Variants in NEBL observed in about 807,000 individuals in gnomAD.
NEBL encodes the protein nebulette.
Under a neutral mutation model 140.2 loss-of-function variants are expected in NEBL, and 122 were observed. The observed-to-expected ratio is 0.87, with a 90% CI of 0.75 to 1.01. The LOEUF is 1.01. Ranked by LOEUF, NEBL falls within the 50% of genes least tolerant of loss-of-function variation. The pLI is 0.00. For missense variants in NEBL, 1,365 were observed against 1,231.3 expected (o/e 1.11, Z -1.62); for synonymous variants, 436 against 398.9 (o/e 1.09, Z -1.11).
chr10:21,169,827 C>T (rs2132178639), intron 2 of NEBL, among the ~76,000 whole-genome samples: 1 of 152,214 alleles, frequency 6.6e-6, no homozygotes, highest in East Asian at 1.9e-4. Context: ...AAATAATGTA[C>T]TGGAATCATA....
In NEBL at chr10:21,173,767, T is replaced by G. The variant is rs1214368215; in HGVS notation, c.67A>C (p.Lys23Gln). Residue 23 changes from lysine (K) to glutamine (Q), a missense_variant and splice_region_variant, in exon 1 of 7, where the codon AAG (lysine) becomes CAG (glutamine). Physicochemically the swap from Lys to Gln is moderately conservative, Grantham distance 53. Coordinates refer to the NEBL transcript ENST00000417816. This position sits in a 1 kb window ranked among gnomAD's most constrained non-coding sequence, Gnocchi z 5.7. ...TGGCCCGGCGCCCCCTCGCTCACCT[T>G]ATCCAGGCAGTTGACTTTCTCGGTG... is the stretch of plus-strand genomic sequence containing the variant. 1 of 1,612,808 alleles carries G rather than the reference T, an allele frequency of 6.2e-7. No homozygotes were observed. Among genetic ancestry groups the G allele is most frequent in the Non-Finnish European group, 8.5e-7 (1 of 1,179,802 alleles).
At chr10:21,287,849 A>G (rs903629797) in intron 1 of NEBL, among the ~76,000 whole-genome samples, 1 of 152,218 alleles carries the variant, frequency 6.6e-6, no homozygotes, top group Non-Finnish European at 1.5e-5. Context: ...CTGTCAACCA[A>G]CTGCAATGTA....
At chr10:20,884,924 T>C (rs1846355931) in intron 4 of NEBL, among the ~76,000 whole-genome samples, 1 of 152,254 alleles carries the variant, frequency 6.6e-6, no homozygotes, top group South Asian at 2.1e-4. Flanking sequence ...GCTAATAAAA[T>C]GGCCTCCTAA....
intron 3 of NEBL, among the ~76,000 whole-genome samples, chr10:21,191,360 G>T (rs1841570836): frequency 6.6e-6 from 1 of 152,128 alleles, no homozygotes; most frequent in Admixed American, 6.6e-5. Flanking sequence ...TAAGTAACTT[G>T]CCCAAGATCA....
At chr10:21,171,134 G>A (rs1441925480) in intron 2 of NEBL, among the ~76,000 whole-genome samples, 2 of 152,064 alleles carry the variant, frequency 1.3e-5, no homozygotes, top group Admixed American at 6.5e-5. Flanking sequence ...TCCAGAGTTC[G>A]AGGCCAGCCT....
At chr10:21,168,441 G>T (rs1840888785) in intron 2 of NEBL, among the ~76,000 whole-genome samples, 1 of 152,076 alleles carries the variant, frequency 6.6e-6, no homozygotes, top group Non-Finnish European at 1.5e-5. Flanking sequence ...AGCAGAACTT[G>T]AATAACTGAT....
chr10:20,904,064 G>A (rs193203241), intron 4 of NEBL, among the ~76,000 whole-genome samples: 165 of 151,940 alleles, frequency 1.1e-3, no homozygotes, highest in African/African-American at 3.9e-3. Context: ...TAATAAAATA[G>A]AATAATTATA....
At chr10:20,941,151 C>A (rs1647807861) in intron 4 of NEBL, among the ~76,000 whole-genome samples, 1 of 152,156 alleles carries the variant, frequency 6.6e-6, no homozygotes, top group South Asian at 2.1e-4. Flanking sequence ...AATTTTAGAC[C>A]AATATCCCTG....
intron 2 of NEBL, among the ~76,000 whole-genome samples, chr10:21,103,693 G>A (rs1392572615): frequency 6.6e-6 from 1 of 152,044 alleles, no homozygotes; most frequent in Non-Finnish European, 1.5e-5. Flanking sequence ...CTTTATATAT[G>A]TGTGATACAT....
At chr10:21,010,908 C>T (rs1461818088) in intron 3 of NEBL, among the ~76,000 whole-genome samples, 1 of 152,188 alleles carries the variant, frequency 6.6e-6, no homozygotes, top group Non-Finnish European at 1.5e-5. Context: ...ATCAACTTCC[C>T]TCAAATCTAT....
intron 3 of NEBL, among the ~76,000 whole-genome samples, chr10:21,231,442 A>G (rs909090303): frequency 1.3e-5 from 2 of 152,102 alleles, no homozygotes; most frequent in Non-Finnish European, 2.9e-5. Context: ...CGGAAGGCTG[A>G]GGCAGGGGAA....
At position 20,934,578 on chromosome 10, in the gene NEBL, T is replaced by C. The variant is rs995498528; in HGVS notation, c.357+27094A>G. Among the ~76,000 whole-genome samples, 5 of 152,094 alleles carry C rather than the reference T, an allele frequency of 3.3e-5. No individual in the cohort carries two copies. In the East Asian group the frequency reaches 9.7e-4, roughly 29 times the overall value. ...ACGATGGGCCCGCTCTTTGCCTGACTGCACACCAGATACAGCTCATCCAGT... is the reference window on the plus strand; with the variant it reads ...ACGATGGGCCCGCTCTTTGCCTGACCGCACACCAGATACAGCTCATCCAGT... On this transcript the variant is annotated intron_variant, in intron 4 of 6. Transcript: ENST00000417816.
At chr10:21,084,690 A>G (rs868639658) in intron 2 of NEBL, among the ~76,000 whole-genome samples, 2 of 152,242 alleles carry the variant, frequency 1.3e-5, no homozygotes, top group African/African-American at 2.4e-5. Context: ...TCAACCAGAA[A>G]TTAGAAATTC....
At chr10:21,201,124 G>T (rs1174842224) in intron 3 of NEBL, among the ~76,000 whole-genome samples, 1 of 151,890 alleles carries the variant, frequency 6.6e-6, no homozygotes. Flanking sequence ...CTCTCCTTCT[G>T]CAGAATTTTG....
chr10:21,070,062 C>A, intron 2 of NEBL: 1 of 454,116 alleles, frequency 2.2e-6, no homozygotes, highest in Non-Finnish European at 4.4e-6. Context: ...CCTCACACTT[C>A]GGGACAGGAA....
chr10:20,995,826 G>C (rs971966054), intron 3 of NEBL, among the ~76,000 whole-genome samples: 5 of 151,986 alleles, frequency 3.3e-5, no homozygotes, highest in Non-Finnish European at 4.4e-5. Flanking sequence ...TTTCTGAGTG[G>C]GGAAGGCCCG....
intron 4 of NEBL, among the ~76,000 whole-genome samples, chr10:20,912,073 T>C (rs1373852948): frequency 6.6e-6 from 1 of 152,234 alleles, no homozygotes; most frequent in Non-Finnish European, 1.5e-5. Context: ...ATAATAACTT[T>C]TCTTATTCTT....
At chr10:21,075,322 G>A (rs1836015206) in intron 2 of NEBL, among the ~76,000 whole-genome samples, 1 of 152,134 alleles carries the variant, frequency 6.6e-6, no homozygotes, top group Non-Finnish European at 1.5e-5. Context: ...CTTTAAAATG[G>A]CTGGAGACGG....
chr10:20,810,237 C>T (rs1838003757), intron 24 of NEBL, among the ~76,000 whole-genome samples: 1 of 152,156 alleles, frequency 6.6e-6, no homozygotes, highest in African/African-American at 2.4e-5. Context: ...CACAGCACCC[C>T]TGAATCCCCA....
Sources: allele counts gnomAD v4.1 joint callset (sites outside exome capture counted in the v4.1 genomes callset), GRCh38; gene constraint gnomAD v4.1.1; non-coding constraint Gnocchi (gnomAD v3.1); transcripts MANE v1.5; gene names NCBI Gene and HGNC (gene_info 2026-07-23, HGNC 2026-07-21).